The following RABGAP1L variants were observed in gnomAD, a reference collection of about 807,000 sequenced individuals.
RABGAP1L encodes rab GTPase-activating protein 1-like.
RABGAP1L carries 63 observed loss-of-function variants against 137.7 expected under a neutral mutation model. The observed-to-expected ratio is 0.46, with a 90% CI of 0.37 to 0.56. RABGAP1L has a LOEUF of 0.56. Among genes scored for constraint, RABGAP1L ranks in the 20% least tolerant of loss-of-function variants. The pLI, the probability that RABGAP1L is intolerant of heterozygous loss-of-function variation, is 0.00. For missense variants in RABGAP1L, 1,095 were observed against 1,244.0 expected, an observed-to-expected ratio of 0.88 and a Z score of 1.80; for synonymous variants, 431 against 433.7, an observed-to-expected ratio of 0.99 and a Z score of 0.08.
At chr1:174,402,233 C>G (rs569970887) in intron 13 of RABGAP1L, among the ~76,000 whole-genome samples, 31 of 152,094 alleles carry the variant, frequency 2.0e-4, no homozygotes, top group African/African-American at 7.2e-4. Flanking sequence ...TAGTAGAATC[C>G]GTGAACTCAA....
At chr1:174,212,855 G>A (rs1669004479) in intron 1 of RABGAP1L, among the ~76,000 whole-genome samples, 1 of 151,948 alleles carries the variant, frequency 6.6e-6, no homozygotes, top group Non-Finnish European at 1.5e-5. Flanking sequence ...GAAAAAGGAG[G>A]CATTACAGTT....
intron 19 of RABGAP1L, among the ~76,000 whole-genome samples, chr1:174,824,250 A>C (rs1691339105): frequency 6.6e-6 from 1 of 152,160 alleles, no homozygotes; most frequent in Non-Finnish European, 1.5e-5. Flanking sequence ...AGTTCGCTCC[A>C]CTTCCCTCCA....
intron 18 of RABGAP1L, 50 bp downstream of exon 18, chr1:174,752,404 C>A (rs1244893646): frequency 7.5e-7 from 1 of 1,331,104 alleles, no homozygotes; most frequent in Non-Finnish European, 1.0e-6. Flanking sequence ...ACCTCTTTGC[C>A]CTTGGAACTG....
chr1:174,339,138 C>CT (rs577891200), intron 11 of RABGAP1L, among the ~76,000 whole-genome samples: 325 of 152,170 alleles, frequency 2.1e-3, no homozygotes, highest in Non-Finnish European at 2.6e-3. Context: ...TCTTATACAA[C>CT]TTTTTACATG....
intron 7 of RABGAP1L, among the ~76,000 whole-genome samples, chr1:174,265,247 A>G (rs747525406): frequency 2.6e-5 from 4 of 152,214 alleles, no homozygotes; most frequent in African/African-American, 7.2e-5. Flanking sequence ...ATAATGTATC[A>G]CTATCTGAAT....
intron 13 of RABGAP1L, among the ~76,000 whole-genome samples, chr1:174,615,625 T>C (rs10912818): frequency 0.14 from 21,621 of 152,092 alleles, 5,141 homozygotes; most frequent in African/African-American, 0.49. Context: ...ACAGGGACAT[T>C]TAAGTCTGTG....
intron 1 of RABGAP1L, among the ~76,000 whole-genome samples, chr1:174,184,011 A>G (rs948224549): frequency 1.3e-5 from 2 of 150,686 alleles, no homozygotes; most frequent in Non-Finnish European, 2.9e-5. Context: ...GACTACAGGC[A>G]CCCACCACCA....
At chr1:174,444,947 G>C (rs946199332) in intron 13 of RABGAP1L, among the ~76,000 whole-genome samples, 1 of 150,926 alleles carries the variant, frequency 6.6e-6, no homozygotes, top group South Asian at 2.1e-4. Flanking sequence ...AACCTATTTC[G>C]GTCCCATTTT....
intron 5 of RABGAP1L, among the ~76,000 whole-genome samples, chr1:174,247,409 A>G (rs887868641): frequency 1.1e-4 from 17 of 152,326 alleles, no homozygotes; most frequent in Non-Finnish European, 2.5e-4. Context: ...GGAATGTTGT[A>G]GGAGTTATTA....
intron 13 of RABGAP1L, among the ~76,000 whole-genome samples, chr1:174,500,862 G>T (rs568646955): frequency 6.6e-6 from 1 of 152,070 alleles, no homozygotes; most frequent in Non-Finnish European, 1.5e-5. Context: ...AAAAGATTTG[G>T]TAGATATTGG....
At chr1:174,556,648 TTAC>T in intron 13 of RABGAP1L, among the ~76,000 whole-genome samples, 1 of 152,202 alleles carries the variant, frequency 6.6e-6, no homozygotes, top group Non-Finnish European at 1.5e-5. Context: ...ACATTACACA[TTAC>T]TTTTCTTTCC....
At chr1:174,368,366 A>T (rs1435518269) in intron 11 of RABGAP1L, among the ~76,000 whole-genome samples, 1 of 152,204 alleles carries the variant, frequency 6.6e-6, no homozygotes, top group Non-Finnish European at 1.5e-5. Context: ...AATTTGATCA[A>T]ATGATATATT....
At chr1:174,723,851 T>C (rs985025104) in intron 17 of RABGAP1L, among the ~76,000 whole-genome samples, 2 of 152,222 alleles carry the variant, frequency 1.3e-5, no homozygotes, top group Non-Finnish European at 2.9e-5. Flanking sequence ...TAATTTGGGA[T>C]GCATTGTTAT....
intron 1 of RABGAP1L, among the ~76,000 whole-genome samples, chr1:174,163,488 G>A (rs1238543357): frequency 6.6e-6 from 1 of 151,900 alleles, no homozygotes. Flanking sequence ...AAAGTTCTAG[G>A]CATATATTCA....
At chr1:174,641,282 TA>T (rs1421124904) in intron 14 of RABGAP1L, among the ~76,000 whole-genome samples, 2 of 152,068 alleles carry the variant, frequency 1.3e-5, no homozygotes, top group African/African-American at 2.4e-5. Flanking sequence ...GGAAGACTGT[TA>T]AAAACTCATT....
intron 10 of RABGAP1L, among the ~76,000 whole-genome samples, chr1:174,294,733 T>G (rs1224167732): frequency 1.3e-5 from 2 of 152,058 alleles, no homozygotes. Context: ...AAGACAAATT[T>G]GAGAGATGTT....
At chr1:174,556,042 G>C (rs1666861134) in intron 13 of RABGAP1L, among the ~76,000 whole-genome samples, 1 of 145,504 alleles carries the variant, frequency 6.9e-6, no homozygotes, top group Middle Eastern at 3.5e-3. Flanking sequence ...CTGTCACCAA[G>C]GCTAGAGTGC....
At chr1:174,241,092 G>A (rs1052114270) in intron 4 of RABGAP1L, among the ~76,000 whole-genome samples, 6 of 152,070 alleles carry the variant, frequency 3.9e-5, no homozygotes, top group East Asian at 1.9e-4. Flanking sequence ...AGGCCAACGC[G>A]GGGGGTCACC....
chr1:174,215,469 ATAATAATAAT>A (rs1669226455), intron 1 of RABGAP1L, among the ~76,000 whole-genome samples: 3 of 142,382 alleles, frequency 2.1e-5, no homozygotes, highest in Non-Finnish European at 3.1e-5. Context: ...AAAAAAAAAA[ATAATAATAAT>A]AAAATAAAAT....
Sources: allele counts gnomAD v4.1 joint callset (sites outside exome capture counted in the v4.1 genomes callset), GRCh38; gene constraint gnomAD v4.1.1; transcripts MANE v1.5; gene names NCBI Gene and HGNC (gene_info 2026-07-23, HGNC 2026-07-21).